The following PHACTR1 variants were observed in gnomAD, a reference collection of about 807,000 sequenced individuals.
PHACTR1 encodes RPEL repeat containing 1.
A neutral mutation model predicts 69.2 loss-of-function variants in PHACTR1; 16 were observed. The observed-to-expected ratio is 0.23, with a 90% CI of 0.16 to 0.35. PHACTR1 has a LOEUF of 0.35. Among genes scored for constraint, PHACTR1 ranks in the 10% least tolerant of loss-of-function variants. The probability of loss-of-function intolerance (pLI) is 1.00; values close to 1 mark genes in which losing one functional copy is unlikely to be tolerated. For synonymous variants in PHACTR1, 312 were observed against 284.5 expected, an observed-to-expected ratio of 1.10 and a Z score of -0.97; for missense variants, 510 against 734.7, an observed-to-expected ratio of 0.69 and a Z score of 3.54.
chr6:12,725,817 T>G (rs760250927), intron 3 of PHACTR1, among the ~76,000 whole-genome samples: 1 of 152,222 alleles, frequency 6.6e-6, no homozygotes, highest in African/African-American at 2.4e-5. Context: ...TAACATTTAT[T>G]AAATGTCTCT....
At chr6:13,064,110 A>G (rs2127757916) in intron 5 of PHACTR1, among the ~76,000 whole-genome samples, 1 of 152,296 alleles carries the variant, frequency 6.6e-6, no homozygotes, top group East Asian at 1.9e-4. Flanking sequence ...CTATCACATC[A>G]AATGGAATAT....
At chr6:12,764,039 C>A (rs1209386205) in intron 4 of PHACTR1, among the ~76,000 whole-genome samples, 1 of 152,096 alleles carries the variant, frequency 6.6e-6, no homozygotes, top group Non-Finnish European at 1.5e-5. Context: ...TTGTTCCACA[C>A]AGAGTTGAAA....
chr6:13,186,887 C>T (rs1176544951), intron 7 of PHACTR1, among the ~76,000 whole-genome samples: 3 of 152,100 alleles, frequency 2.0e-5, no homozygotes, highest in Non-Finnish European at 4.4e-5. Context: ...ATACAGCTCA[C>T]CATAATGTAG....
chr6:12,749,486 T>G (rs1766262924), intron 3 of PHACTR1, 158 bp from the exon 4 acceptor site: 2 of 647,234 alleles, frequency 3.1e-6, no homozygotes, highest in Non-Finnish European at 5.8e-6. Flanking sequence ...TCTCTCCCTT[T>G]TTTTTCCTTT....
chr6:12,986,126 G>T (rs528955378), intron 4 of PHACTR1, among the ~76,000 whole-genome samples: 1 of 152,256 alleles, frequency 6.6e-6, no homozygotes, highest in African/African-American at 2.4e-5. Context: ...ATGAGCCACC[G>T]CGCCTGGGCT....
At chr6:12,744,248 C>G (rs75855741) in intron 3 of PHACTR1, among the ~76,000 whole-genome samples, 5,173 of 152,258 alleles carry the variant, frequency 0.034, 294 homozygotes, top group African/African-American at 0.11. Flanking sequence ...CCATTCCCAT[C>G]AAAGCCTTGG....
At chr6:13,194,028 A>C (rs1763994779) in intron 7 of PHACTR1, among the ~76,000 whole-genome samples, 1 of 152,142 alleles carries the variant, frequency 6.6e-6, no homozygotes, top group Admixed American at 6.5e-5. Flanking sequence ...GTGATTTATA[A>C]TTTCTCACAA....
At chr6:12,924,692 A>G (rs9472979) in intron 4 of PHACTR1, among the ~76,000 whole-genome samples, 1,954 of 151,454 alleles carry the variant, frequency 0.013, 46 homozygotes, top group African/African-American at 0.045. Context: ...AGAGAATGGC[A>G]TGAACCCAGG....
chr6:13,078,400 T>C (rs1810875101), intron 5 of PHACTR1, among the ~76,000 whole-genome samples: 1 of 152,194 alleles, frequency 6.6e-6, no homozygotes, highest in Non-Finnish European at 1.5e-5. Context: ...CTTATCTTAA[T>C]CCAATGGGTG....
At chr6:13,085,523 A>C (rs1293620593) in intron 5 of PHACTR1, among the ~76,000 whole-genome samples, 6 of 152,122 alleles carry the variant, frequency 3.9e-5, no homozygotes, top group Non-Finnish European at 1.5e-5. Flanking sequence ...GAGTTTAATA[A>C]ACTTCCTAAT....
chr6:12,792,567 G>T (rs1242318158), intron 4 of PHACTR1, among the ~76,000 whole-genome samples: 4 of 149,962 alleles, frequency 2.7e-5, no homozygotes, highest in African/African-American at 9.8e-5. Context: ...CAAATGCAGT[G>T]CTATAGACCT....
chr6:13,123,781 C>G (rs1438748782), intron 5 of PHACTR1, among the ~76,000 whole-genome samples: 1 of 152,198 alleles, frequency 6.6e-6, no homozygotes, highest in Non-Finnish European at 1.5e-5. Context: ...ACACTAGAGG[C>G]TCCCATCACA....
intron 10 of PHACTR1, 33 bp from the exon 11 acceptor site, chr6:13,272,825 ATG>A (rs1490760868): frequency 6.2e-7 from 1 of 1,614,072 alleles, no homozygotes; most frequent in Admixed American, 1.7e-5. Flanking sequence ...AGGCTATGAT[ATG>A]GTCCAAAAAC....
At chr6:13,248,901 G>A (rs1023768382) in intron 10 of PHACTR1, among the ~76,000 whole-genome samples, 6 of 152,236 alleles carry the variant, frequency 3.9e-5, no homozygotes, top group South Asian at 4.2e-4. Context: ...TCAAAATCGC[G>A]TGCCAACTAA....
At chr6:13,258,362 G>GAAA (rs60311779) in intron 10 of PHACTR1, among the ~76,000 whole-genome samples, 66,172 of 144,566 alleles carry the variant, frequency 0.46, 17,525 homozygotes, top group Non-Finnish European at 0.62. Flanking sequence ...CTTAAAAAAA[G>GAAA]AAAAAAAAAA....
chr6:13,244,226 G>A (rs940054805), intron 10 of PHACTR1, among the ~76,000 whole-genome samples: 3 of 152,142 alleles, frequency 2.0e-5, no homozygotes, highest in African/African-American at 7.2e-5. Context: ...GAGGGAGTGC[G>A]CGAATAGGTG....
intron 8 of PHACTR1, among the ~76,000 whole-genome samples, chr6:13,206,958 T>C (rs1267836445): frequency 6.6e-6 from 1 of 152,126 alleles, no homozygotes; most frequent in Non-Finnish European, 1.5e-5. Context: ...ATCAATGTTA[T>C]GGCAAAATGA....
intron 4 of PHACTR1, among the ~76,000 whole-genome samples, chr6:13,042,188 A>T (rs766670352): frequency 6.6e-6 from 1 of 152,236 alleles, no homozygotes; most frequent in Non-Finnish European, 1.5e-5. Context: ...ATGAAATGTT[A>T]TACCCCACCT....
At position 13,010,986 on chromosome 6, in the gene PHACTR1, G is replaced by A. The variant is rs184791442; in HGVS notation, c.251-42379G>A. Among the ~76,000 whole-genome samples, 356 of 152,260 alleles carry A rather than the reference G, an allele frequency of 2.3e-3. 5 individuals carry two copies. The highest frequency in any genetic ancestry group is 1.2e-3 in the Non-Finnish European group (83 of 68,018). On this transcript the variant is annotated intron_variant, in intron 4 of 14. Coordinates refer to ENST00000332995, the MANE Select transcript of PHACTR1 (RefSeq NM_030948.6). ...GGTAGTGCTGGAAGCTGCCAGATTC[G>A]GCCACCTTCCAAACTGCTGCCCATA...
Sources: allele counts gnomAD v4.1 joint callset (sites outside exome capture counted in the v4.1 genomes callset), GRCh38; gene constraint gnomAD v4.1.1; transcripts MANE v1.5; gene names NCBI Gene and HGNC (gene_info 2026-07-23, HGNC 2026-07-21).